AGBL1: variants seen among roughly 807,000 people sequenced by gnomAD.
AGBL1 encodes cytosolic carboxypeptidase 4.
In AGBL1, 130 loss-of-function variants were observed where a neutral mutation model predicts 118.9. The ratio of observed to expected loss-of-function variants is 1.09; its 90% CI spans 0.95 to 1.26. AGBL1 has a LOEUF of 1.26. AGBL1 is among the 50% of genes most tolerant of loss of function. The pLI, the probability that AGBL1 is intolerant of heterozygous loss-of-function variation, is 0.00. For missense variants in AGBL1, 1,584 were observed against 1,298.1 expected (o/e 1.22, Z -3.38); for synonymous variants, 555 against 478.9 (o/e 1.16, Z -2.08).
At chr15:86,993,479 C>T (rs1401089271) in intron 24 of AGBL1, among the ~76,000 whole-genome samples, 3 of 152,096 alleles carry the variant, frequency 2.0e-5, no homozygotes, top group African/African-American at 7.2e-5. Context: ...AGCAAATATA[C>T]CTGTTACTTC....
At chr15:86,110,531 T>C (rs1018171324) in intron 1 of AGBL1, among the ~76,000 whole-genome samples, 1 of 151,272 alleles carries the variant, frequency 6.6e-6, no homozygotes, top group East Asian at 1.9e-4. Context: ...AGAGGCGGGG[T>C]TGGTCTTGCT....
chr15:86,687,785 A>G (rs1206754924), intron 22 of AGBL1, among the ~76,000 whole-genome samples: 1 of 152,134 alleles, frequency 6.6e-6, no homozygotes, highest in African/African-American at 2.4e-5. Context: ...ATTCTTCACT[A>G]TGTTCAGGTG....
chr15:87,030,708 G>A (rs1477899489), downstream of AGBL1, among the ~76,000 whole-genome samples: 4 of 151,884 alleles, frequency 2.6e-5, no homozygotes, highest in African/African-American at 7.2e-5. Flanking sequence ...ATATTGCCTT[G>A]CTAACTATAT....
chr15:86,905,662 T>A (rs2080271309), intron 22 of AGBL1, among the ~76,000 whole-genome samples: 1 of 152,206 alleles, frequency 6.6e-6, no homozygotes, highest in South Asian at 2.1e-4. Flanking sequence ...ATTATTGACA[T>A]TCTATTAGAT....
intron 18 of AGBL1, among the ~76,000 whole-genome samples, chr15:86,463,100 G>A (rs1274304321): frequency 1.3e-5 from 2 of 152,124 alleles, no homozygotes; most frequent in Non-Finnish European, 2.9e-5. Context: ...TCCAGCACCT[G>A]TTGTTTCCTG....
chr15:86,401,912 T>A (rs1480012362), intron 18 of AGBL1, among the ~76,000 whole-genome samples: 1 of 152,072 alleles, frequency 6.6e-6, no homozygotes. Context: ...TTTTGCTTAG[T>A]ATTGCTTTGG....
rs574288098 is a variant in AGBL1 at position 86,770,304 on chromosome 15, T to G, written c.3158+95868T>G. Among the ~76,000 whole-genome samples, 218 of 152,056 alleles carry G rather than the reference T, an allele frequency of 1.4e-3. 1 individual carries two copies. Among genetic ancestry groups the G allele is most frequent in the African/African-American group, 4.9e-3 (204 of 41,512 alleles). On this transcript the variant is annotated intron_variant, in intron 22 of 22. Transcript: ENST00000614907. ...CTATCACAGTGCAGTGGTCCCTCCA[T>G]GGGGTTGATTTTGCATCCCCGCACA...
At chr15:86,589,109 G>A (rs2084297413) in intron 21 of AGBL1, among the ~76,000 whole-genome samples, 1 of 152,000 alleles carries the variant, frequency 6.6e-6, no homozygotes, top group Non-Finnish European at 1.5e-5. Flanking sequence ...TTGATTTGAA[G>A]TCTGTTTTTG....
chr15:86,407,203 AG>A (rs2081542134), intron 18 of AGBL1, among the ~76,000 whole-genome samples: 1 of 152,214 alleles, frequency 6.6e-6, no homozygotes, highest in African/African-American at 2.4e-5. Context: ...TACCTGAAAA[AG>A]TAAACTGTTT....
In AGBL1 at chr15:86,760,974, C is replaced by T. The variant is rs149378198; in HGVS notation, c.3158+86538C>T. 1.9e-3 allele frequency among the ~76,000 whole-genome samples: 291 copies of T among 152,122 alleles called. 2 individuals carry two copies. The highest frequency in any genetic ancestry group is 6.6e-3 in the African/African-American group (274 of 41,532). On this transcript the variant is annotated intron_variant, in intron 22 of 22. Coordinates refer to ENST00000614907, the MANE Select transcript of AGBL1 (RefSeq NM_001386094.1). ...ACCCTTAAAAGGGTTAATCCAATAG[C>T]GATGTGTAGACAGACAGATCTGTTC...
At chr15:86,170,031 G>C (rs2077393331) in intron 5 of AGBL1, among the ~76,000 whole-genome samples, 1 of 152,194 alleles carries the variant, frequency 6.6e-6, no homozygotes, top group Non-Finnish European at 1.5e-5. Flanking sequence ...GAACAAGAAA[G>C]CACTACCCAT....
chr15:86,866,406 A>G (rs2079630753), intron 22 of AGBL1, among the ~76,000 whole-genome samples: 1 of 152,210 alleles, frequency 6.6e-6, no homozygotes, highest in Admixed American at 6.5e-5. Flanking sequence ...GCAAACTGTG[A>G]TCTTGTTTCT....
intron 17 of AGBL1, among the ~76,000 whole-genome samples, chr15:86,334,041 G>A (rs2080317725): frequency 6.6e-6 from 1 of 152,050 alleles, no homozygotes; most frequent in Admixed American, 6.5e-5. Context: ...AAAATAGTAA[G>A]AGCCATCTAT....
At chr15:86,557,616 C>A (rs2083752481) in intron 21 of AGBL1, among the ~76,000 whole-genome samples, 1 of 152,166 alleles carries the variant, frequency 6.6e-6, no homozygotes. Context: ...TTTCTACCAC[C>A]CACAAGGGCT....
intron 18 of AGBL1, among the ~76,000 whole-genome samples, chr15:86,497,867 C>T (rs1237092999): frequency 1.3e-5 from 2 of 151,922 alleles, no homozygotes; most frequent in Admixed American, 6.6e-5. Flanking sequence ...TGCTAAATCA[C>T]ATACCGCTAC....
At chr15:86,277,020 G>T (rs974609684) in intron 15 of AGBL1, among the ~76,000 whole-genome samples, 14 of 152,200 alleles carry the variant, frequency 9.2e-5, no homozygotes, top group African/African-American at 3.1e-4. Context: ...CAAGGTGGCT[G>T]CCAGGAGAGT....
At chr15:86,891,937 T>C (rs2080058307) in intron 22 of AGBL1, among the ~76,000 whole-genome samples, 1 of 152,184 alleles carries the variant, frequency 6.6e-6, no homozygotes. Flanking sequence ...GAAACATCAA[T>C]GGGCCACTCA....
At chr15:86,804,283 C>T (rs2078689463) in intron 22 of AGBL1, among the ~76,000 whole-genome samples, 2 of 152,130 alleles carry the variant, frequency 1.3e-5, no homozygotes, top group African/African-American at 2.4e-5. Flanking sequence ...TGACATATCT[C>T]AGGTTAATTG....
intron 19 of AGBL1, among the ~76,000 whole-genome samples, chr15:86,545,499 C>T (rs1037292008): frequency 1.4e-4 from 22 of 152,060 alleles, no homozygotes; most frequent in Admixed American, 2.0e-4. Context: ...TTCCTCACCC[C>T]GGTATTAAGC....
Sources: allele counts gnomAD v4.1 joint callset (sites outside exome capture counted in the v4.1 genomes callset), GRCh38; gene constraint gnomAD v4.1.1; transcripts MANE v1.5; gene names NCBI Gene and HGNC (gene_info 2026-07-23, HGNC 2026-07-21).